The following HIVEP1 variants were observed in gnomAD, a reference collection of about 807,000 sequenced individuals.
The protein encoded by HIVEP1 is zinc finger protein 40.
HIVEP1 carries 36 observed loss-of-function variants against 180.0 expected under a neutral mutation model. The ratio of observed to expected loss-of-function variants is 0.20; its 90% CI spans 0.15 to 0.26. The LOEUF (loss-of-function observed/expected upper bound fraction) is 0.26, where lower values mean the gene tolerates loss of function less well. Ranked by LOEUF, HIVEP1 falls within the 10% of genes least tolerant of loss-of-function variation. The pLI is 1.00. For synonymous variants in HIVEP1, 1,239 were observed against 1,239.0 expected, an observed-to-expected ratio of 1.00 and a Z score of 0.00; for missense variants, 3,143 against 3,268.7, an observed-to-expected ratio of 0.96 and a Z score of 0.94.
chr6:12,158,549 G>A (rs140892463), intron 7 of HIVEP1, among the ~76,000 whole-genome samples: 2 of 152,242 alleles, frequency 1.3e-5, no homozygotes, highest in Non-Finnish European at 2.9e-5. Context: ...ACATTGTGGG[G>A]CAAGGAGGAG....
At chr6:12,052,415 C>G (rs1770601371) in intron 2 of HIVEP1, among the ~76,000 whole-genome samples, 1 of 152,048 alleles carries the variant, frequency 6.6e-6, no homozygotes, top group African/African-American at 2.4e-5. Flanking sequence ...AATATACCTC[C>G]AATAGTACAT....
chr6:12,196,105 A>C, the HIVEP1 span, among the ~76,000 whole-genome samples: 3 of 152,246 alleles, frequency 2.0e-5, no homozygotes, highest in Non-Finnish European at 4.4e-5. Context: ...AGGAAGCCTC[A>C]GTCTTGTGGC....
At chr6:12,082,601 T>C (rs545120970) in intron 2 of HIVEP1, among the ~76,000 whole-genome samples, 2 of 152,306 alleles carry the variant, frequency 1.3e-5, no homozygotes, top group African/African-American at 2.4e-5. Context: ...CTGAACTCTT[T>C]ACCACTAGAC....
chr6:12,108,138 A>C (rs13206426), intron 3 of HIVEP1, among the ~76,000 whole-genome samples: 2 of 147,722 alleles, frequency 1.4e-5, no homozygotes, highest in Non-Finnish European at 3.0e-5. Context: ...CCAAGGCCCC[A>C]CCAGAGTAGC....
chr6:12,103,563 A>ATTTT (rs551545045), intron 3 of HIVEP1, among the ~76,000 whole-genome samples: 11 of 145,792 alleles, frequency 7.5e-5, no homozygotes, highest in African/African-American at 2.8e-4. Flanking sequence ...GAGACTTACT[A>ATTTT]TTTTTTTTTT....
intron 2 of HIVEP1, among the ~76,000 whole-genome samples, chr6:12,042,136 G>A (rs1259627462): frequency 1.4e-5 from 2 of 147,120 alleles, no homozygotes; most frequent in Admixed American, 6.8e-5. Context: ...GCGGACTGCA[G>A]TGGCGCAATC....
the HIVEP1 span, among the ~76,000 whole-genome samples, chr6:12,192,847 A>AC: frequency 2.0e-5 from 3 of 150,570 alleles, no homozygotes; most frequent in Non-Finnish European, 4.4e-5. Flanking sequence ...TTTGAAACAT[A>AC]CTTTTTTTTT....
intron 3 of HIVEP1, among the ~76,000 whole-genome samples, chr6:12,110,386 G>GA (rs1293346813): frequency 3.9e-5 from 6 of 152,226 alleles, no homozygotes. Flanking sequence ...TATCTACATA[G>GA]AAAATCTGTT....
At chr6:12,151,002 G>A (rs555786901) in intron 7 of HIVEP1, among the ~76,000 whole-genome samples, 18 of 152,262 alleles carry the variant, frequency 1.2e-4, no homozygotes, top group African/African-American at 3.1e-4. Context: ...CTGCTTTTGC[G>A]ACTCCGACTC....
chr6:12,134,139 T>C (rs1000092534), intron 6 of HIVEP1, among the ~76,000 whole-genome samples: 2 of 152,240 alleles, frequency 1.3e-5, no homozygotes, highest in Non-Finnish European at 2.9e-5. Flanking sequence ...ACTTTAAAGC[T>C]GTCACATAAA....
At chr6:12,073,263 C>A (rs1283540211) in intron 2 of HIVEP1, among the ~76,000 whole-genome samples, 4 of 152,152 alleles carry the variant, frequency 2.6e-5, no homozygotes, top group Admixed American at 1.3e-4. Flanking sequence ...CTCCTTGTCC[C>A]CCATATTGAG....
intron 2 of HIVEP1, among the ~76,000 whole-genome samples, chr6:12,027,298 G>A (rs1768647832): frequency 1.3e-5 from 2 of 152,216 alleles, no homozygotes; most frequent in African/African-American, 2.4e-5. Flanking sequence ...GCTTTAGTTA[G>A]TATGTGAGGG....
intron 7 of HIVEP1, among the ~76,000 whole-genome samples, chr6:12,143,230 C>T (rs2113620050): frequency 6.6e-6 from 1 of 152,296 alleles, no homozygotes; most frequent in African/African-American, 2.4e-5. Flanking sequence ...GCTGGTTCAA[C>T]ATATGCAAAT....
chr6:12,124,900 A>G lies in HIVEP1; in HGVS notation c.5105A>G (p.Lys1702Arg), dbSNP rs764137722. ...CAGAATGCTTTGCCAAACCCAGAGA[A>G]GGAATTTCTATGTGAAAATGTTTTT... ...GHQNALPNPEKEFLCENVFSE... is the reference protein window; with the variant it reads ...GHQNALPNPEREFLCENVFSE... Residue 1702 changes from lysine to arginine, a missense_variant, in exon 4 of 9, where the codon AAG (lysine) becomes AGG (arginine). Around this residue, in one of 12 missense-constraint regions of HIVEP1, gnomAD observed 1,357 missense variants for 1,260.5 expected, o/e 1.08. Coordinates refer to ENST00000379388, the MANE Select transcript of HIVEP1 (RefSeq NM_002114.4). The G allele has an allele frequency of 6.2e-7, 1 of 1,614,126 alleles. No individual in the cohort carries two copies. The highest frequency in any genetic ancestry group is 8.5e-7 in the Non-Finnish European group (1 of 1,180,022).
chr6:12,053,314 CCTGA>C (rs1277519453), intron 2 of HIVEP1, among the ~76,000 whole-genome samples: 2 of 151,684 alleles, frequency 1.3e-5, no homozygotes, highest in Admixed American at 6.6e-5. Flanking sequence ...ATTGAGATGT[CCTGA>C]CTGTCAATTT....
intron 2 of HIVEP1, among the ~76,000 whole-genome samples, chr6:12,082,695 C>G (rs1265930695): frequency 6.6e-6 from 1 of 152,136 alleles, no homozygotes; most frequent in Non-Finnish European, 1.5e-5. Flanking sequence ...CCTAATGCCC[C>G]TCTACCTGAA....
intron 2 of HIVEP1, among the ~76,000 whole-genome samples, chr6:12,023,642 CA>C (rs1406671438): frequency 3.5e-5 from 5 of 144,156 alleles, no homozygotes; most frequent in African/African-American, 1.2e-4. Context: ...ATGGAGTTAA[CA>C]TAGCAAGCCT....
the HIVEP1 span, among the ~76,000 whole-genome samples, chr6:12,191,361 G>T: frequency 5.3e-5 from 8 of 152,188 alleles, no homozygotes; most frequent in African/African-American, 1.7e-4. Context: ...AGGCCTAGGT[G>T]GGAGGATGGC....
chr6:12,058,599 C>T (rs1410176583), intron 2 of HIVEP1, among the ~76,000 whole-genome samples: 2 of 152,084 alleles, frequency 1.3e-5, no homozygotes, highest in African/African-American at 4.8e-5. Context: ...AGATAGACAA[C>T]CTGAACAAAT....
Sources: allele counts gnomAD v4.1 joint callset (sites outside exome capture counted in the v4.1 genomes callset), GRCh38; gene constraint gnomAD v4.1.1; regional missense constraint gnomAD v4.1.1; transcripts MANE v1.5; gene names NCBI Gene and HGNC (gene_info 2026-07-23, HGNC 2026-07-21).